The following SNTG2 variants were observed in gnomAD, a reference collection of about 807,000 sequenced individuals.
SNTG2 encodes gamma-2-syntrophin.
In SNTG2, 74 loss-of-function variants were observed where a neutral mutation model predicts 70.9. The ratio of observed to expected loss-of-function variants is 1.04; its 90% CI spans 0.86 to 1.27. SNTG2 has a LOEUF of 1.27. SNTG2 is among the 50% of genes most tolerant of loss of function. The pLI, the probability that SNTG2 is intolerant of heterozygous loss-of-function variation, is 0.00. For missense variants in SNTG2, 717 were observed against 690.7 expected (o/e 1.04, Z -0.43); for synonymous variants, 278 against 273.8 (o/e 1.02, Z -0.15).
intron 1 of SNTG2, among the ~76,000 whole-genome samples, chr2:1,069,945 G>T (rs549479742): frequency 6.6e-6 from 1 of 152,174 alleles, no homozygotes; most frequent in African/African-American, 2.4e-5. Context: ...CACCGCCTAG[G>T]TTCCCTGGAC....
intron 1 of SNTG2, among the ~76,000 whole-genome samples, chr2:1,012,621 T>G (rs1659766681): frequency 7.7e-6 from 1 of 130,646 alleles, no homozygotes; most frequent in Non-Finnish European, 1.7e-5. Context: ...GAAAGGGATT[T>G]ATAAGGACAG....
intron 6 of SNTG2, among the ~76,000 whole-genome samples, chr2:1,146,747 G>C (rs1312014457): frequency 6.6e-6 from 1 of 152,160 alleles, no homozygotes; most frequent in Non-Finnish European, 1.5e-5. Flanking sequence ...CATAAATATA[G>C]TCAACTTCTC....
chr2:1,113,846 G>T (rs1000036688), intron 4 of SNTG2, among the ~76,000 whole-genome samples: 41 of 131,934 alleles, frequency 3.1e-4, no homozygotes, highest in Non-Finnish European at 4.4e-4. Flanking sequence ...GAAGGATCGT[G>T]TGTACTAAGT....
At chr2:1,173,277 C>G in intron 8 of SNTG2, 94 bp downstream of exon 8, 3 of 1,114,786 alleles carry the variant, frequency 2.7e-6, no homozygotes. Context: ...TGCTGTACTG[C>G]CCAGTGAAGA....
rs182893287 is a variant in SNTG2 at position 963,303 on chromosome 2, G to A, written c.72+12235G>A. Among the ~76,000 whole-genome samples the A allele has an allele frequency of 2.6e-3, 399 of 151,276 alleles. 4 individuals are homozygous for A. The highest frequency in any genetic ancestry group is 8.6e-3 in the African/African-American group (351 of 40,698). On this transcript the variant is annotated intron_variant, in intron 1 of 16. Transcript: ENST00000308624. ...CCAAAAAATTCAAAATTGCATTAAA[G>A]TAGACAGAAAAAATGTGCTTCAAAC...
chr2:1,262,629 C>G (rs917344751), intron 13 of SNTG2, among the ~76,000 whole-genome samples: 1 of 152,138 alleles, frequency 6.6e-6, no homozygotes, highest in African/African-American at 2.4e-5. Flanking sequence ...GACGAGGAAA[C>G]CCAAAGGCTC....
At chr2:1,350,115 C>A (rs1660498996) in intron 16 of SNTG2, among the ~76,000 whole-genome samples, 1 of 151,944 alleles carries the variant, frequency 6.6e-6, no homozygotes, top group South Asian at 2.1e-4. Flanking sequence ...CTTGCTATCA[C>A]CCCCCCAGTG....
intron 1 of SNTG2, among the ~76,000 whole-genome samples, chr2:1,022,086 A>C (rs1660213019): frequency 6.6e-6 from 1 of 151,976 alleles, no homozygotes; most frequent in African/African-American, 2.4e-5. Context: ...AAGAGTATGG[A>C]GGTTCCTCAT....
intron 1 of SNTG2, among the ~76,000 whole-genome samples, chr2:1,071,071 C>T (rs552259423): frequency 6.6e-6 from 1 of 152,304 alleles, no homozygotes; most frequent in South Asian, 2.1e-4. Flanking sequence ...ACACAGAAGC[C>T]TCGGGTAGTT....
At chr2:1,092,604 G>T (rs1665105958) in intron 2 of SNTG2, among the ~76,000 whole-genome samples, 1 of 152,212 alleles carries the variant, frequency 6.6e-6, no homozygotes, top group African/African-American at 2.4e-5. Context: ...TAAGTCCACA[G>T]TTTAAATATC....
intron 1 of SNTG2, among the ~76,000 whole-genome samples, chr2:1,035,982 T>C (rs1169488197): frequency 6.6e-6 from 1 of 152,244 alleles, no homozygotes; most frequent in Non-Finnish European, 1.5e-5. Flanking sequence ...TCCTACCTTA[T>C]TAATTTGACT....
intron 16 of SNTG2, among the ~76,000 whole-genome samples, chr2:1,337,379 C>T (rs560497674): frequency 8.5e-5 from 13 of 152,268 alleles, no homozygotes; most frequent in Admixed American, 5.2e-4. Context: ...AGAGTACTGG[C>T]CATCCTAATG....
chr2:1,195,829 T>A (rs1672873586), intron 8 of SNTG2, among the ~76,000 whole-genome samples: 1 of 152,168 alleles, frequency 6.6e-6, no homozygotes, highest in South Asian at 2.1e-4. Context: ...GAACATGAAG[T>A]TGTGGATATT....
chr2:1,233,385 A>G (rs1297359024), intron 9 of SNTG2, among the ~76,000 whole-genome samples: 1 of 152,162 alleles, frequency 6.6e-6, no homozygotes, highest in African/African-American at 2.4e-5. Flanking sequence ...AAATCTGTTG[A>G]GGTGTGTTTT....
intron 14 of SNTG2, among the ~76,000 whole-genome samples, chr2:1,285,470 C>A (rs1012132445): frequency 6.6e-6 from 1 of 152,162 alleles, no homozygotes; most frequent in African/African-American, 2.4e-5. Flanking sequence ...TACAACTTTC[C>A]TTGGTAGGAC....
chr2:1,088,843 C>T (rs1362022864), intron 2 of SNTG2, among the ~76,000 whole-genome samples: 2 of 152,182 alleles, frequency 1.3e-5, no homozygotes, highest in Non-Finnish European at 2.9e-5. Flanking sequence ...AAATTGATTT[C>T]TCTTGTGTTT....
intron 9 of SNTG2, among the ~76,000 whole-genome samples, chr2:1,227,251 G>A (rs1405824186): frequency 6.6e-6 from 1 of 152,244 alleles, no homozygotes; most frequent in African/African-American, 2.4e-5. Flanking sequence ...CTCTTGAACA[G>A]AAGCAAACAA....
rs367866904 is a variant in SNTG2 at position 1,112,498 on chromosome 2, G to C, written c.325+14088G>C. On this transcript the variant is annotated intron_variant, in intron 4 of 16. Transcript: ENST00000308624. ...ACCTCACAGTCCTTTGTGAAGGATC[G>C]TGTGTACTAAGTGAGGTGTAACCCT... 2.6e-5 allele frequency among the ~76,000 whole-genome samples: 4 copies of C among 151,264 alleles called. No individual in the cohort carries two copies. In the East Asian group the frequency reaches 5.9e-4, roughly 22 times the overall value.
intron 12 of SNTG2, among the ~76,000 whole-genome samples, chr2:1,253,444 C>T (rs1414452721): frequency 1.3e-5 from 2 of 152,188 alleles, no homozygotes; most frequent in Non-Finnish European, 2.9e-5. Flanking sequence ...GAGTGTTGCT[C>T]AGAAAGCCCT....
Sources: allele counts gnomAD v4.1 joint callset (sites outside exome capture counted in the v4.1 genomes callset), GRCh38; gene constraint gnomAD v4.1.1; transcripts MANE v1.5; gene names NCBI Gene and HGNC (gene_info 2026-07-23, HGNC 2026-07-21).